The following MYH1 variants were observed in gnomAD, a reference collection of about 807,000 sequenced individuals.
The protein encoded by MYH1 is myosin-1.
In MYH1, 214 loss-of-function variants were observed where a neutral mutation model predicts 225.6. That is an observed-to-expected ratio of 0.95 (90% CI 0.85 to 1.06). The LOEUF (loss-of-function observed/expected upper bound fraction) is 1.06, where lower values mean the gene tolerates loss of function less well. Ranked by LOEUF, MYH1 falls within the 50% of genes least tolerant of loss-of-function variation. The probability of loss-of-function intolerance (pLI) is 0.00; values close to 1 mark genes in which losing one functional copy is unlikely to be tolerated. For synonymous variants in MYH1, 774 were observed against 842.3 expected, an observed-to-expected ratio of 0.92 and a Z score of 1.40; for missense variants, 2,098 against 2,344.2, an observed-to-expected ratio of 0.89 and a Z score of 2.17.
chr17:10,508,016 T>TG (rs1286935730), intron 16 of MYH1, 60 bp from the exon 17 acceptor site: 183 of 1,321,108 alleles, frequency 1.4e-4, no homozygotes, highest in East Asian at 2.8e-4. Context: ...TTTTTTTTTT[T>TG]TGTTTTTTTT....
chr17:10,498,557 C>G (rs2073019100), intron 30 of MYH1, 69 bp downstream of exon 30: 1 of 1,596,844 alleles, frequency 6.3e-7, no homozygotes, highest in Non-Finnish European at 8.6e-7. Flanking sequence ...AATGTTTTTT[C>G]CCTAGTTTTT....
Position 10,509,654 on chromosome 17 carries a change from A to T in MYH1, c.1418T>A (p.Phe473Tyr), listed in dbSNP as rs995033304. ...GATGCACAGCTGCTCCAGGCTGTTG[A>T]ACTAAATGAGTTGAAAATACAAATT... ...LDIAGFEIFD[F>Y]NSLEQLCINF... The change falls in exon 15 of 40, where the codon TTC (phenylalanine) becomes TAC (tyrosine). Residue 473 changes from phenylalanine (F) to tyrosine (Y), a missense_variant and splice_region_variant. Phe to Tyr is a conservative substitution (Grantham distance 22, BLOSUM62 3). Transcript: ENST00000226207. The T allele has an allele frequency of 1.9e-6, 3 of 1,614,216 alleles. No individual in the cohort carries two copies. Among genetic ancestry groups the T allele is most frequent in the Non-Finnish European group, 2.5e-6 (3 of 1,180,042 alleles).
intron 12 of MYH1, 24 bp downstream of exon 12, chr17:10,512,384 C>T (rs1268473251): frequency 2.5e-6 from 4 of 1,614,092 alleles, no homozygotes; most frequent in Non-Finnish European, 8.5e-7. Flanking sequence ...TCTCATTAAA[C>T]CCAGATGGAG....
At chr17:10,518,074 G>C (rs2142284390) in intron 2 of MYH1, among the ~76,000 whole-genome samples, 166 bp downstream of exon 2, 1 of 152,238 alleles carries the variant, frequency 6.6e-6, no homozygotes, top group Admixed American at 6.5e-5. Context: ...AGGAGAACCA[G>C]TTTCTAAAGT....
intron 33 of MYH1, 126 bp downstream of exon 33, chr17:10,496,943 C>A: frequency 8.0e-7 from 1 of 1,254,074 alleles, no homozygotes; most frequent in Admixed American, 2.4e-5. Context: ...ATGATCAGTT[C>A]TCCATTCTCA....
chr17:10,514,346 C>CT (rs1249742637), intron 6 of MYH1, among the ~76,000 whole-genome samples: 1 of 152,166 alleles, frequency 6.6e-6, no homozygotes, highest in Non-Finnish European at 1.5e-5. Flanking sequence ...AATGTGTCAG[C>CT]TTTTTTTCTG....
At chr17:10,512,283 A>G in intron 12 of MYH1, 91 bp from the exon 13 acceptor site, 1 of 1,590,138 alleles carries the variant, frequency 6.3e-7, no homozygotes. Context: ...CTTTGTAGAA[A>G]GTCTGTGTGT....
chr17:10,503,382 A>T, intron 22 of MYH1, 134 bp from the exon 23 acceptor site: 1 of 1,280,194 alleles, frequency 7.8e-7, no homozygotes, highest in Non-Finnish European at 1.1e-6. Flanking sequence ...TCTACCATTC[A>T]GTAAATATTG....
intron 28 of MYH1, 106 bp downstream of exon 28, chr17:10,500,520 C>A (rs957485060): frequency 5.2e-6 from 8 of 1,526,838 alleles, no homozygotes; most frequent in Non-Finnish European, 7.1e-6. Context: ...GGGGATCTCC[C>A]AGGGAGGTAG....
intron 30 of MYH1, 87 bp from the exon 31 acceptor site, chr17:10,498,004 G>C: frequency 7.9e-7 from 1 of 1,270,444 alleles, no homozygotes; most frequent in South Asian, 1.5e-5. Context: ...TCCACAATCA[G>C]ACTTCTTTAA....
chr17:10,500,921 A>T (rs2073047260), intron 27 of MYH1, among the ~76,000 whole-genome samples, 169 bp from the exon 28 acceptor site: 1 of 152,178 alleles, frequency 6.6e-6, no homozygotes, highest in East Asian at 1.9e-4. Context: ...AAGACTAATA[A>T]GATACATAGT....
In MYH1 at chr17:10,512,940, A is replaced by C; in HGVS notation, c.831T>G (p.Thr277=). The change falls in exon 10 of 40, where the codon ACT becomes ACG. Residue 277 remains threonine, a synonymous_variant. Transcript: ENST00000226207. ...ETYLLEKSRV[T]FQLKAERSYH... ...AGCTTCTTTCAGCCTTTAGCTGGAA[A>C]GTAACTCTAGACTTCTCCAGAAGAT... 6.2e-7 allele frequency: 1 copy of C among 1,613,422 alleles called. No homozygotes were observed. The highest frequency in any genetic ancestry group is 8.5e-7 in the Non-Finnish European group (1 of 1,179,522).
chr17:10,516,217 G>C lies in MYH1; in HGVS notation c.330C>G (p.Tyr110Ter). 1 of 1,614,210 alleles carries C rather than the reference G, an allele frequency of 6.2e-7. No homozygotes were observed. Among genetic ancestry groups the C allele is most frequent in the Non-Finnish European group, 8.5e-7 (1 of 1,180,044 alleles). ...AACTCACGTAGATCATCCAGGCTGCGTAGCGCTCTTTGAGGTTGTACAGCA... is the reference window on the plus strand; with the variant it reads ...AACTCACGTAGATCATCCAGGCTGCCTAGCGCTCTTTGAGGTTGTACAGCA... ...PAVLYNLKER[Y>*]AAWMIYTYSG... Residue 110 changes from tyrosine (Y) to a stop codon, truncating the protein, a stop_gained, in exon 4 of 40, where the codon TAC becomes TAG. Transcript: ENST00000226207. LOFTEE classifies it high-confidence loss of function.
In MYH1 at chr17:10,508,580, A is replaced by C. The variant is rs1298858066; in HGVS notation, c.1680T>G (p.Leu560=). 1 of 1,614,078 alleles carries C rather than the reference A, an allele frequency of 6.2e-7. No homozygotes were observed. The highest frequency in any genetic ancestry group is 8.5e-7 in the Non-Finnish European group (1 of 1,180,042). ...SFKNKLYEQH[L]GKSNNFQKPK... is the part of the protein sequence containing the mutation. ...GCTTCTGGAAGTTATTGGATTTTCC[A>C]AGATGTTGTTCATACAGCTTGTTCT... The change falls in exon 16 of 40, where the codon CTT becomes CTG. Residue 560 remains leucine (L), a synonymous_variant. Transcript: ENST00000226207.
chr17:10,506,000 G>T lies in MYH1; in HGVS notation c.2056+12C>A. 6.2e-7 allele frequency: 1 copy of T among 1,614,170 alleles called. No homozygotes were observed. The highest frequency in any genetic ancestry group is 1.1e-5 in the South Asian group (1 of 91,080). On this transcript the variant is annotated intron_variant, in intron 18 of 39. Transcript: ENST00000226207. ...CACACTGGAGCTTGTCTGGATATCA[G>T]AAATGTCTTACCAGGAGTTTTAGTT...
chr17:10,512,298 A>G (rs1388843742), intron 12 of MYH1, 106 bp from the exon 13 acceptor site: 1 of 1,592,462 alleles, frequency 6.3e-7, no homozygotes, highest in African/African-American at 1.3e-5. Context: ...GTGTGTGGGT[A>G]CATCTGAGTA....
rs906687538 is a variant in MYH1, at chr17:10,495,866, T to C, written c.5169+84A>G. On this transcript the variant is annotated intron_variant, in intron 35 of 39. Transcript: ENST00000226207. ...TTTATCCTTCATGAAATCTTATAAATAGATTTCTTAATAGTACCACGATTT... is the reference window on the plus strand; with the variant it reads ...TTTATCCTTCATGAAATCTTATAAACAGATTTCTTAATAGTACCACGATTT... 2.3e-5 allele frequency: 35 copies of C among 1,493,592 alleles called. No individual in the cohort carries two copies. The African/African-American group carries it at 4.0e-4, about 17-fold the overall frequency. 92.5% of individuals were successfully genotyped at this position (1,493,592 alleles called of 1,614,324 possible).
chr17:10,514,094 G>A lies in MYH1; in HGVS notation c.564C>T (p.Asn188=), dbSNP rs202034584. The A allele has an allele frequency of 1.9e-5, 30 of 1,614,044 alleles. No individual in the cohort carries two copies. The highest frequency in any genetic ancestry group is 2.5e-5 in the Non-Finnish European group (29 of 1,180,000). ...CAAAGTACTGGATGACACGCTTGGT[G>A]TTCACAGTCTTCCCTGCGCCAGATT... ...TGESGAGKTV[N]TKRVIQYFAT... is the part of the protein sequence containing the mutation. The change falls in exon 7 of 40, where the codon AAC becomes AAT. Residue 188 remains asparagine (N), a synonymous_variant. Coordinates refer to ENST00000226207, the MANE Select transcript of MYH1 (RefSeq NM_005963.4).
rs1234257010 is a variant in MYH1 at position 10,501,392 on chromosome 17, C to G, written c.3456G>C (p.Glu1152Asp). The change falls in exon 27 of 40, where the codon GAG becomes GAC. Residue 1152 changes from glutamate (E) to aspartate (D), a missense_variant. Transcript: ENST00000226207. Reference protein sequence around the residue: ...DLSRELEEISERLEEAGGATS... With the variant: ...DLSRELEEISDRLEEAGGATS... Reference sequence around the variant, plus strand: ...TGGCCCCACCGGCTTCTTCCAGCCTCTCGCTGATCTCCTCCAGCTCCCGGG... The same window carrying G: ...TGGCCCCACCGGCTTCTTCCAGCCTGTCGCTGATCTCCTCCAGCTCCCGGG... The G allele has an allele frequency of 6.2e-7, 1 of 1,614,086 alleles. No individual in the cohort carries two copies. The highest frequency in any genetic ancestry group is 8.5e-7 in the Non-Finnish European group (1 of 1,180,058).
Sources: gnomAD v4.1 joint callset for allele counts (sites outside exome capture counted in the v4.1 genomes callset) on GRCh38, gnomAD v4.1.1 for gene constraint, MANE v1.5 for transcripts, NCBI Gene and HGNC (gene_info 2026-07-23, HGNC 2026-07-21) for gene names.